The following LDLRAD4 variants were observed in gnomAD, a reference collection of about 807,000 sequenced individuals.
LDLRAD4 encodes the protein low density lipoprotein receptor class A domain containing 4, also known as low-density lipoprotein receptor class A domain-containing protein 4.
LDLRAD4 carries 5 observed loss-of-function variants against 17.0 expected under a neutral mutation model. That is an observed-to-expected ratio of 0.29 (90% confidence interval 0.15 to 0.62). The LOEUF is 0.62. LDLRAD4 is among the 20% of genes least tolerant of loss of function. LDLRAD4 has a pLI of 0.84. For synonymous variants in LDLRAD4, 168 were observed against 171.8 expected (o/e 0.98, Z 0.17); for missense variants, 340 against 424.7 (o/e 0.80, Z 1.75).
intron 1 of LDLRAD4, among the ~76,000 whole-genome samples, chr18:13,359,692 C>T (rs1010790016): frequency 1.3e-5 from 2 of 152,274 alleles, no homozygotes; most frequent in African/African-American, 4.8e-5. Context: ...AATTAGGAGG[C>T]ACTGCCAGTT....
chr18:13,463,307 C>A (rs1407906867), intron 3 of LDLRAD4, among the ~76,000 whole-genome samples: 1 of 152,168 alleles, frequency 6.6e-6, no homozygotes, highest in East Asian at 1.9e-4. Flanking sequence ...TTTTGGAGGC[C>A]ATGCTGCCTG....
At chr18:13,546,136 A>G (rs374312398) in intron 3 of LDLRAD4, among the ~76,000 whole-genome samples, 17 of 152,232 alleles carry the variant, frequency 1.1e-4, no homozygotes, top group East Asian at 7.7e-4. Flanking sequence ...AGTCAACAAC[A>G]GTTGAGGCAG....
intron 4 of LDLRAD4, among the ~76,000 whole-genome samples, chr18:13,634,468 TA>T (rs1343653329): frequency 6.6e-6 from 1 of 152,128 alleles, no homozygotes; most frequent in African/African-American, 2.4e-5. Context: ...CCATTTTCAA[TA>T]GCATCAAAAA....
At chr18:13,415,473 G>C (rs4797770) in intron 2 of LDLRAD4, among the ~76,000 whole-genome samples, 30,533 of 152,130 alleles carry the variant, frequency 0.2, 3,616 homozygotes, top group East Asian at 0.41. Context: ...CTACTCTAGG[G>C]TGGGTGTGGG....
chr18:13,576,437 AAAAG>A (rs200673148), intron 3 of LDLRAD4, among the ~76,000 whole-genome samples: 23 of 83,598 alleles, frequency 2.8e-4, no homozygotes, highest in Non-Finnish European at 5.9e-4. Flanking sequence ...AAAAAAAAAA[AAAAG>A]AAAGAAAGAA....
At chr18:13,641,694 G>C (rs1188375403) in intron 4 of LDLRAD4, 1 of 948,000 alleles carries the variant, frequency 1.1e-6, no homozygotes, top group African/African-American at 1.8e-5. Context: ...TCCTGTCCGG[G>C]CTGGCGGGGC....
chr18:13,591,075 AT>A (rs2095021493), intron 3 of LDLRAD4, among the ~76,000 whole-genome samples: 1 of 152,096 alleles, frequency 6.6e-6, no homozygotes, highest in Non-Finnish European at 1.5e-5. Context: ...AGGCTGTTTT[AT>A]TGTCCTTGAA....
chr18:13,226,836 G>A (rs918191828), intron 1 of LDLRAD4, among the ~76,000 whole-genome samples: 1 of 152,156 alleles, frequency 6.6e-6, no homozygotes, highest in Non-Finnish European at 1.5e-5. Flanking sequence ...TATAGGATAC[G>A]ATGGGCATAG....
At chr18:13,568,207 T>C (rs2094633614) in intron 3 of LDLRAD4, among the ~76,000 whole-genome samples, 1 of 151,328 alleles carries the variant, frequency 6.6e-6, no homozygotes, top group African/African-American at 2.4e-5. Context: ...GGCAGGAGAA[T>C]CACTTGAACC....
Position 13,306,651 on chromosome 18 carries a change from C to T in LDLRAD4, c.-383+28463C>T, listed in dbSNP as rs529815325. ...TCAGGAAAATCTGAAAGGATTTCAC[C>T]ATTGAAGGTGCCACTGTTGTAACAG... On this transcript the variant is annotated intron_variant, in intron 1 of 5. Coordinates refer to ENST00000359446, the Ensembl canonical transcript of LDLRAD4. Among the ~76,000 whole-genome samples the T allele has an allele frequency of 2.0e-5, 3 of 152,300 alleles. No homozygotes were observed. In the South Asian group the frequency reaches 6.2e-4, roughly 32 times the overall value.
intron 1 of LDLRAD4, among the ~76,000 whole-genome samples, chr18:13,225,356 C>T (rs1440436128): frequency 6.6e-6 from 1 of 152,218 alleles, no homozygotes; most frequent in Non-Finnish European, 1.5e-5. Context: ...CCTCACAGCT[C>T]TTGAGCCACC....
chr18:13,636,948 C>T (rs556302937), intron 4 of LDLRAD4, among the ~76,000 whole-genome samples: 1 of 152,060 alleles, frequency 6.6e-6, no homozygotes, highest in African/African-American at 2.4e-5. Flanking sequence ...CAGGCACCCA[C>T]CACTACACCC....
intron 3 of LDLRAD4, among the ~76,000 whole-genome samples, chr18:13,451,727 C>G (rs918619943): frequency 4.6e-5 from 7 of 152,086 alleles, no homozygotes; most frequent in African/African-American, 1.7e-4. Flanking sequence ...GCTCACAGAC[C>G]GTGCCTTCTG....
chr18:13,591,460 G>A (rs1255013341), intron 3 of LDLRAD4, among the ~76,000 whole-genome samples: 1 of 152,020 alleles, frequency 6.6e-6, no homozygotes, highest in African/African-American at 2.4e-5. Flanking sequence ...CTCTGTGTGT[G>A]TGTGTCTGCC....
chr18:13,605,009 G>T (rs1382550499), intron 3 of LDLRAD4, among the ~76,000 whole-genome samples: 1 of 152,152 alleles, frequency 6.6e-6, no homozygotes, highest in African/African-American at 2.4e-5. Context: ...GCCGAGGCGG[G>T]GACAGAGAGA....
intron 1 of LDLRAD4, among the ~76,000 whole-genome samples, chr18:13,385,519 C>A (rs1216520162): frequency 6.6e-6 from 1 of 152,024 alleles, no homozygotes; most frequent in Non-Finnish European, 1.5e-5. Flanking sequence ...AACAAATAGA[C>A]AAAATTCCCA....
chr18:13,501,047 C>T (rs1361908019), intron 3 of LDLRAD4: 1 of 148,496 alleles, frequency 6.7e-6, no homozygotes, highest in Non-Finnish European at 1.5e-5. Flanking sequence ...GAGGAAGTTG[C>T]AGGGGGTCTC....
At chr18:13,571,873 T>C (rs1475061849) in intron 3 of LDLRAD4, among the ~76,000 whole-genome samples, 1 of 152,060 alleles carries the variant, frequency 6.6e-6, no homozygotes, top group Non-Finnish European at 1.5e-5. Context: ...CCTGACCTCG[T>C]GATCCACCCG....
At chr18:13,642,952 T>C (rs2042723112) in intron 4 of LDLRAD4, among the ~76,000 whole-genome samples, 1 of 151,874 alleles carries the variant, frequency 6.6e-6, no homozygotes, top group Non-Finnish European at 1.5e-5. Context: ...TTCTGTTTTT[T>C]TGATACGGAG....
Sources: gnomAD v4.1 joint callset for allele counts (sites outside exome capture counted in the v4.1 genomes callset) on GRCh38, gnomAD v4.1.1 for gene constraint, MANE v1.5 for transcripts, NCBI Gene and HGNC (gene_info 2026-07-23, HGNC 2026-07-21) for gene names.